The following MOGS variants were observed in gnomAD, a reference collection of about 807,000 sequenced individuals.
MOGS encodes mannosyl-oligosaccharide glucosidase.
A neutral mutation model predicts 68.5 loss-of-function variants in MOGS; 45 were observed. The observed-to-expected ratio is 0.66, with a 90% CI of 0.52 to 0.84. The LOEUF (loss-of-function observed/expected upper bound fraction) is 0.84. Among genes scored for constraint, MOGS ranks in the 40% least tolerant of loss-of-function variants. The pLI is 0.00. For missense variants in MOGS, 1,020 were observed against 1,095.0 expected, an observed-to-expected ratio of 0.93 and a Z score of 0.97; for synonymous variants, 492 against 461.2, an observed-to-expected ratio of 1.07 and a Z score of -0.86.
Position 74,464,283 on chromosome 2 carries a change from C to A in MOGS, c.579+213G>T, listed in dbSNP as rs914869457. The A allele has an allele frequency of 5.2e-6, 3 of 579,640 alleles. No individual in the cohort carries two copies. In the African/African-American group the frequency reaches 5.6e-5, roughly 11 times the overall value. The allele number at this position is 579,640 out of a possible 1,614,324, so 35.9% of individuals were successfully genotyped here. A position where few individuals can be genotyped will look rare whatever the true frequency, so the allele number is the denominator to read the frequency against. ...CTCTTTTTCATTTAATTCTTACAGT[C>A]CTGTGAGTTAAGTGCTATTATTATC... On this transcript the variant is annotated intron_variant, in intron 2 of 3. Transcript: ENST00000448666.
chr2:74,461,691 G>A lies in MOGS; in HGVS notation c.2098C>T (p.Arg700Ter), dbSNP rs776845069. Residue 700 changes from arginine to a stop codon, truncating the protein, a stop_gained, in exon 4 of 4, where the codon CGA becomes TGA. Coordinates refer to ENST00000448666, the MANE Select transcript of MOGS (RefSeq NM_006302.3). LOFTEE classifies it high-confidence loss of function. ...GYVSLFPLLL[R>*]LLDPTSSRLG... ...CGGGATGAGGTGGGGTCCAGCAGTC[G>A]CAGCAGCAAGGGAAAAAGACTGACA... 8.1e-6 allele frequency: 13 copies of A among 1,614,202 alleles called. No individual in the cohort carries two copies. The highest frequency in any genetic ancestry group is 1.3e-5 in the African/African-American group (1 of 75,042).
rs1671924796 is a variant in MOGS at position 74,461,999 on chromosome 2, T to G, written c.1790A>C (p.His597Pro). Residue 597 changes from histidine to proline, a missense_variant, in exon 4 of 4, where the codon CAC becomes CCC. By Grantham distance (77) the His-to-Pro change is moderately conservative. Around this residue, in one of 3 missense-constraint regions of MOGS, gnomAD observed 181 missense variants for 261.8 expected, o/e 0.69. Transcript: ENST00000448666. ...TGCCACCCAACATCGCAGGTCCAGG[T>G]GCCGCTCGGTTACTGAAGGGTGTGA... ...RASHPSVTER[H>P]LDLRCWVALG... 3 of 1,614,120 alleles carry G rather than the reference T, an allele frequency of 1.9e-6. No individual in the cohort carries two copies. Among genetic ancestry groups the G allele is most frequent in the Non-Finnish European group, 2.5e-6 (3 of 1,180,004 alleles).
chr2:74,461,918 G>C lies in MOGS; in HGVS notation c.1871C>G (p.Ala624Gly), dbSNP rs751040193. The C allele has an allele frequency of 1.9e-6, 3 of 1,614,094 alleles. No individual in the cohort carries two copies. In the South Asian group the frequency reaches 3.3e-5, roughly 18 times the overall value. ...GGCAGCCAGTGGGCCCAGCTCAGCAGCTACCTCAGCCTCACCCAGATGCTC... is the reference window on the plus strand; with the variant it reads ...GGCAGCCAGTGGGCCCAGCTCAGCACCTACCTCAGCCTCACCCAGATGCTC... The part of the protein sequence containing the change: ...LAEHLGEAEV[A>G]AELGPLAASL... The change falls in exon 4 of 4, where the codon GCT (alanine) becomes GGT (glycine). Residue 624 changes from alanine to glycine, a missense_variant. Transcript: ENST00000448666.
In MOGS at chr2:74,462,235, A is replaced by C; in HGVS notation, c.1554T>G (p.Pro518=). Residue 518 remains proline, a synonymous_variant, in exon 4 of 4, where the codon CCT becomes CCG. Coordinates refer to ENST00000448666, the MANE Select transcript of MOGS (RefSeq NM_006302.3). ...CACCAACCTCTAGCATATGGGCTAC[A>C]GGCAAAAGTAGGGTTGGGGGGTTGG... ...VHANPPTLLL[P]VAHMLEVGDP... The C allele has an allele frequency of 1.6e-5, 26 of 1,614,112 alleles. No individual in the cohort carries two copies. Among genetic ancestry groups the C allele is most frequent in the Non-Finnish European group, 2.1e-5 (25 of 1,180,010 alleles).
rs374933674 is a variant in MOGS at position 74,465,042 on chromosome 2, C to G, written c.206G>C (p.Arg69Pro). ...GRWVLAWYRA[R>P]RAVTLHSAPP... ...CGCGGAGTGCAGCGTGACCGCCCGC[C>G]GCGCACGGTACCACGCCAGCACCCA... The change falls in exon 1 of 4, where the codon CGG (arginine) becomes CCG (proline). Residue 69 changes from arginine to proline, a missense_variant. Transcript: ENST00000448666. 1 of 1,555,074 alleles carries G rather than the reference C, an allele frequency of 6.4e-7. No homozygotes were observed. Among genetic ancestry groups the G allele is most frequent in the East Asian group, 2.4e-5 (1 of 41,156 alleles).
chr2:74,463,188 AC>A lies in MOGS; in HGVS notation c.776+1del. On this transcript the variant is annotated splice_donor_variant, in intron 3 of 3. Coordinates refer to ENST00000448666, the MANE Select transcript of MOGS (RefSeq NM_006302.3). LOFTEE classifies it high-confidence loss of function. ...CCCCCAACATTCTTTTCCCCCAGTT[AC>A]CTGCCATACTTGGGGGCTGTATCCC... 1 of 1,613,404 alleles carries A rather than the reference AC, an allele frequency of 6.2e-7. No homozygotes were observed. Among genetic ancestry groups the A allele is most frequent in the South Asian group, 1.1e-5 (1 of 91,070 alleles).
chr2:74,461,546 G>C lies in MOGS; in HGVS notation c.2243C>G (p.Pro748Arg), dbSNP rs369937053. The change falls in exon 4 of 4, where the codon CCC becomes CGC. Residue 748 changes from proline to arginine, a missense_variant. Physicochemically the swap from Pro to Arg is moderately radical, Grantham distance 103. This residue lies in a region of MOGS where 270 missense variants were observed against 261.3 expected (regional missense o/e 1.03). Transcript: ENST00000448666. ...GAGCCACACAGCACCCCGCCAGTAG[G>C]GGGGATCATGCTCTGAATTGCGCTG... is the stretch of plus-strand genomic sequence containing the variant. ...YGQRNSEHDP[P>R]YWRGAVWLNV... 5 of 1,614,032 alleles carry C rather than the reference G, an allele frequency of 3.1e-6. No homozygotes were observed. The highest frequency in any genetic ancestry group is 1.1e-5 in the South Asian group (1 of 91,078).
At position 74,462,262 on chromosome 2, in the gene MOGS, G is replaced by A. The variant is rs1671935153; in HGVS notation, c.1527C>T (p.His509=). 9.3e-6 allele frequency: 15 copies of A among 1,613,870 alleles called. No homozygotes were observed. The highest frequency in any genetic ancestry group is 5.3e-5 in the African/African-American group (4 of 74,906). ...PPEFLVQRAV[H]ANPPTLLLPV... is the part of the protein sequence containing the mutation. ...GCAAAAGTAGGGTTGGGGGGTTGGC[G>A]TGGACTGCTCGTTGTACTAGGAATT... Residue 509 remains histidine, a synonymous_variant, in exon 4 of 4, where the codon CAC becomes CAT. Coordinates refer to ENST00000448666, the MANE Select transcript of MOGS (RefSeq NM_006302.3).
Position 74,465,196 on chromosome 2 carries a change from T to C in MOGS, c.52A>G (p.Thr18Ala). ...RRAVPAEGVR[T>A]AERAARGGPG... ...CCTCCCCGAGCCGCCCTCTCGGCTG[T>C]CCGCACTCCCTCTGCCGGCACTGCG... Residue 18 changes from threonine to alanine, a missense_variant, in exon 1 of 4, where the codon ACA (threonine) becomes GCA (alanine). Around this residue, in one of 3 missense-constraint regions of MOGS, gnomAD observed 569 missense variants for 571.9 expected, o/e 0.99. Coordinates refer to ENST00000448666, the MANE Select transcript of MOGS (RefSeq NM_006302.3). The C allele has an allele frequency of 1.3e-6, 2 of 1,532,896 alleles. No homozygotes were observed. The highest frequency in any genetic ancestry group is 1.7e-6 in the Non-Finnish European group (2 of 1,150,368). The allele number at this position is 1,532,896 out of a possible 1,614,324, so 95.0% of individuals were successfully genotyped here. A position where few individuals can be genotyped will look rare whatever the true frequency, so the allele number is the denominator to read the frequency against.
At position 74,464,944 on chromosome 2, in the gene MOGS, G is replaced by T; in HGVS notation, c.304C>A (p.His102Asn). The change falls in exon 1 of 4, where the codon CAC (histidine) becomes AAC (asparagine). Residue 102 changes from histidine (H) to asparagine (N), a missense_variant. This residue lies in a region of MOGS where 569 missense variants were observed against 571.9 expected (regional missense o/e 0.99). Coordinates refer to ENST00000448666, the MANE Select transcript of MOGS (RefSeq NM_006302.3). ...CGGGTCTTCATGCCGAAGTAGACGT[G>T]AGGGCGGTAGGTTCCCCAGAAGAGG... Reference protein sequence around the residue: ...PDLFWGTYRPHVYFGMKTRSP... With the variant: ...PDLFWGTYRPNVYFGMKTRSP... 6.3e-7 allele frequency: 1 copy of T among 1,598,186 alleles called. No homozygotes were observed. The highest frequency in any genetic ancestry group is 8.5e-7 in the Non-Finnish European group (1 of 1,171,704).
In MOGS at chr2:74,464,919, C is replaced by T. The variant is rs863225089; in HGVS notation, c.329G>A (p.Arg110His). ...RPHVYFGMKT[R>H]SPKPLLTGLM... is the part of the protein sequence containing the mutation. ...ACCGGTGAGGAGGGGCTTCGGGCTG[C>T]GGGTCTTCATGCCGAAGTAGACGTG... Residue 110 changes from arginine to histidine, a missense_variant, in exon 1 of 4, where the codon CGC becomes CAC. By Grantham distance (29) the Arg-to-His change is conservative. Transcript: ENST00000448666. 1.2e-6 allele frequency: 2 copies of T among 1,604,276 alleles called. No homozygotes were observed. The highest frequency in any genetic ancestry group is 2.2e-5 in the East Asian group (1 of 44,518).
rs758245361 is a variant in MOGS at position 74,462,514 on chromosome 2, G to A, written c.1275C>T (p.Asp425=). 12 of 1,607,750 alleles carry A rather than the reference G, an allele frequency of 7.5e-6. No individual in the cohort carries two copies. Among genetic ancestry groups the A allele is most frequent in the Non-Finnish European group, 1.0e-5 (12 of 1,175,910 alleles). Residue 425 remains aspartate (D), a synonymous_variant, in exon 4 of 4, where the codon GAC becomes GAT. Coordinates refer to ENST00000448666, the MANE Select transcript of MOGS (RefSeq NM_006302.3). ...IGVEGSEQKV[D]PALFPPVPLF... is the part of the protein sequence containing the mutation. Reference sequence around the variant, plus strand: ...GAGGTACGGGTGGAAAGAGGGCTGGGTCCACCTTCTGCTCAGACCCTTCCA... The same window carrying A: ...GAGGTACGGGTGGAAAGAGGGCTGGATCCACCTTCTGCTCAGACCCTTCCA...
At chr2:74,464,866 G>T in intron 1 of MOGS, 30 bp downstream of exon 1, 1 of 1,591,964 alleles carries the variant, frequency 6.3e-7, no homozygotes, top group Non-Finnish European at 8.6e-7. Flanking sequence ...TTAGGAGTCC[G>T]CCTGCCTGCC....
At position 74,464,979 on chromosome 2, in the gene MOGS, A is replaced by C. The variant is rs1418910421; in HGVS notation, c.269T>G (p.Val90Gly). 2 of 1,569,388 alleles carry C rather than the reference A, an allele frequency of 1.3e-6. No individual in the cohort carries two copies. The highest frequency in any genetic ancestry group is 1.7e-4 in the Middle Eastern group (1 of 5,986). Residue 90 changes from valine to glycine, a missense_variant, in exon 1 of 4, where the codon GTG becomes GGG. Coordinates refer to ENST00000448666, the MANE Select transcript of MOGS (RefSeq NM_006302.3). ...VLPADSSSPAVAPDLFWGTYR... is the reference protein window; with the variant it reads ...VLPADSSSPAGAPDLFWGTYR... ...GGTTCCCCAGAAGAGGTCCGGGGCC[A>C]CGGCGGGGCTGGAGGAGTCGGCAGG...
rs375679925 is a variant in MOGS at position 74,464,951 on chromosome 2, G to A, written c.297C>T (p.Tyr99=). The A allele has an allele frequency of 1.5e-5, 24 of 1,595,040 alleles. No homozygotes were observed. In the Admixed American group the frequency reaches 2.1e-4, roughly 14 times the overall value. Residue 99 remains tyrosine (Y), a synonymous_variant, in exon 1 of 4, where the codon TAC becomes TAT. Coordinates refer to ENST00000448666, the MANE Select transcript of MOGS (RefSeq NM_006302.3). ...TCATGCCGAAGTAGACGTGAGGGCG[G>A]TAGGTTCCCCAGAAGAGGTCCGGGG... ...AVAPDLFWGT[Y]RPHVYFGMKT... is the part of the protein sequence containing the mutation.
Position 74,463,383 on chromosome 2 carries a change from A to G in MOGS, c.583T>C (p.Ser195Pro). 6.2e-7 allele frequency: 1 copy of G among 1,614,150 alleles called. No homozygotes were observed. The highest frequency in any genetic ancestry group is 8.5e-7 in the Non-Finnish European group (1 of 1,179,994). Reference sequence around the variant, plus strand: ...ACCAAAGGGAGGGCAGAAGTACCTGAGTCCTGAGTGACCAACGAGGACAGA... The same window carrying G: ...ACCAAAGGGAGGGCAGAAGTACCTGGGTCCTGAGTGACCAACGAGGACAGA... ...SWRVTVEPQD[S>P]GTSALPLVSL... Residue 195 changes from serine (S) to proline (P), a missense_variant, in exon 3 of 4, where the codon TCA becomes CCA. Ser to Pro is a moderately conservative substitution (Grantham distance 74, BLOSUM62 -1). This residue lies in a region of MOGS where 569 missense variants were observed against 571.9 expected (regional missense o/e 0.99). Coordinates refer to ENST00000448666, the MANE Select transcript of MOGS (RefSeq NM_006302.3).
chr2:74,463,399 C>G lies in MOGS; in HGVS notation c.580-13G>C. 6.2e-7 allele frequency: 1 copy of G among 1,612,550 alleles called. No homozygotes were observed. Among genetic ancestry groups the G allele is most frequent in the Non-Finnish European group, 8.5e-7 (1 of 1,178,666 alleles). On this transcript the variant is annotated splice_polypyrimidine_tract_variant and intron_variant, in intron 2 of 3. Coordinates refer to ENST00000448666, the MANE Select transcript of MOGS (RefSeq NM_006302.3). ...AAGTACCTGAGTCCTGAGTGACCAA[C>G]GAGGACAGAAAAGAACAGTGTTAGA...
chr2:74,462,918 CT>C lies in MOGS; in HGVS notation c.870del (p.Ala292ProfsTer13). On this transcript the variant is annotated frameshift_variant, in exon 4 of 4. Transcript: ENST00000448666. LOFTEE classifies it high-confidence loss of function. ...CCGAGGTAGCGTTCAGGGGGGGCCCCTGGGGGCCGATGCTGAAACCAGCTAT... is the reference window on the plus strand; with the variant it reads ...CCGAGGTAGCGTTCAGGGGGGGCCCCGGGGGCCGATGCTGAAACCAGCTAT... Reference protein sequence around the residue: ...RLNSWFQHRPPGAPPERYLGL... With the variant: ...RLNSWFQHRPXGAPPERYLGL... 1 of 1,614,178 alleles carries C rather than the reference CT, an allele frequency of 6.2e-7. No individual in the cohort carries two copies. The highest frequency in any genetic ancestry group is 8.5e-7 in the Non-Finnish European group (1 of 1,180,038).
chr2:74,463,412 G>T, intron 2 of MOGS, 26 bp from the exon 3 acceptor site: 2 of 1,607,494 alleles, frequency 1.2e-6, no homozygotes, highest in Non-Finnish European at 1.7e-6. Context: ...GGACAGAAAA[G>T]AACAGTGTTA....
Sources: gnomAD v4.1 joint callset for allele counts on GRCh38, gnomAD v4.1.1 for gene constraint, gnomAD v4.1.1 regional missense constraint, MANE v1.5 for transcripts, NCBI Gene and HGNC (gene_info 2026-07-23, HGNC 2026-07-21) for gene names.